The following EXOC4 variants were observed in gnomAD, a reference collection of about 807,000 sequenced individuals.
EXOC4 encodes the protein exocyst complex component 4, also known as SEC8-like 1.
A neutral mutation model predicts 107.2 loss-of-function variants in EXOC4; 71 were observed. That is an observed-to-expected ratio of 0.66 (90% confidence interval 0.55 to 0.81). The LOEUF (loss-of-function observed/expected upper bound fraction) is 0.81. Among genes scored for constraint, EXOC4 ranks in the 30% least tolerant of loss-of-function variants. The pLI is 0.00. For synonymous variants in EXOC4, 456 were observed against 441.2 expected (o/e 1.03, Z -0.42); for missense variants, 1,108 against 1,189.6 (o/e 0.93, Z 1.01).
At position 133,996,017 on chromosome 7, in the gene EXOC4, C is replaced by T. The variant is rs546181644; in HGVS notation, c.2207-1475C>T. On this transcript the variant is annotated intron_variant, in intron 14 of 17. Coordinates refer to ENST00000253861, the MANE Select transcript of EXOC4 (RefSeq NM_021807.4). ...ACTCTTTGAAAAAGAGAAGGATGTTCATACAGAAAAGCAAAACATATCAGA... is the reference window on the plus strand; with the variant it reads ...ACTCTTTGAAAAAGAGAAGGATGTTTATACAGAAAAGCAAAACATATCAGA... 2.6e-5 allele frequency among the ~76,000 whole-genome samples: 4 copies of T among 152,204 alleles called. No homozygotes were observed. The South Asian group carries it at 8.3e-4, about 32-fold the overall frequency.
chr7:133,753,976 A>G (rs1047751947), intron 10 of EXOC4, among the ~76,000 whole-genome samples: 1 of 152,208 alleles, frequency 6.6e-6, no homozygotes, highest in Non-Finnish European at 1.5e-5. Flanking sequence ...CTTTATATAT[A>G]CTAACTCATT....
the EXOC4 span, among the ~76,000 whole-genome samples, chr7:134,094,464 T>C: frequency 3.9e-5 from 6 of 152,198 alleles, no homozygotes; most frequent in East Asian, 1.2e-3. Context: ...GGTGGATTCA[T>C]AGGTGAATTC....
intron 11 of EXOC4, among the ~76,000 whole-genome samples, chr7:133,874,623 C>A (rs935699579): frequency 1.3e-5 from 2 of 152,214 alleles, no homozygotes; most frequent in South Asian, 4.1e-4. Context: ...GTAACTGAGG[C>A]TGAAACAATT....
At chr7:133,660,440 G>A (rs916243441) in intron 10 of EXOC4, among the ~76,000 whole-genome samples, 4 of 152,140 alleles carry the variant, frequency 2.6e-5, no homozygotes, top group African/African-American at 7.2e-5. Context: ...GAATGGTGGC[G>A]AAGGTGCCTA....
intron 10 of EXOC4, among the ~76,000 whole-genome samples, chr7:133,787,980 TATATA>T (rs1796621724): frequency 2.7e-5 from 2 of 75,410 alleles, no homozygotes; most frequent in Non-Finnish European, 5.3e-5. Flanking sequence ...TATATATATA[TATATA>T]TATATATATA....
chr7:133,475,311 T>C lies in EXOC4; in HGVS notation c.1183-17T>C. On this transcript the variant is annotated splice_polypyrimidine_tract_variant and intron_variant, in intron 7 of 17. Transcript: ENST00000253861. ...AAATGTGTATATTAACATTAACTGA[T>C]TTATCTGGTTGTACAGATGCTATTA... 2 of 1,586,672 alleles carry C rather than the reference T, an allele frequency of 1.3e-6. No individual in the cohort carries two copies. Among genetic ancestry groups the C allele is most frequent in the East Asian group, 4.5e-5 (2 of 44,642 alleles).
chr7:133,609,523 A>C (rs1450113992), intron 9 of EXOC4, among the ~76,000 whole-genome samples: 1 of 152,216 alleles, frequency 6.6e-6, no homozygotes, highest in Admixed American at 6.5e-5. Context: ...GTCAGCTGAG[A>C]AGAAACATTA....
intron 9 of EXOC4, among the ~76,000 whole-genome samples, chr7:133,560,145 C>G (rs2150950014): frequency 6.6e-6 from 1 of 152,150 alleles, no homozygotes; most frequent in Admixed American, 6.5e-5. Flanking sequence ...ATATTACTGG[C>G]TGGTATTTAT....
intron 7 of EXOC4, among the ~76,000 whole-genome samples, chr7:133,409,382 G>A (rs1797304839): frequency 6.6e-6 from 1 of 152,208 alleles, no homozygotes; most frequent in African/African-American, 2.4e-5. Context: ...TATAAGCACA[G>A]TGATTCCCAC....
intron 17 of EXOC4, among the ~76,000 whole-genome samples, chr7:134,061,436 T>C (rs1372899240): frequency 6.6e-6 from 1 of 152,216 alleles, no homozygotes; most frequent in Non-Finnish European, 1.5e-5. Flanking sequence ...GACTGAGTCG[T>C]GGCTGGTTCA....
intron 9 of EXOC4, among the ~76,000 whole-genome samples, chr7:133,590,275 C>A (rs1331334456): frequency 6.6e-6 from 1 of 151,968 alleles, no homozygotes; most frequent in East Asian, 1.9e-4. Context: ...TATTTTTTTT[C>A]TATTTTTTAA....
intron 9 of EXOC4, among the ~76,000 whole-genome samples, chr7:133,536,495 A>G (rs546994111): frequency 5.3e-5 from 8 of 151,700 alleles, no homozygotes; most frequent in African/African-American, 1.9e-4. Flanking sequence ...TTTTTATCAC[A>G]CTACTTTTTC....
intron 11 of EXOC4, among the ~76,000 whole-genome samples, chr7:133,885,859 C>CAAT (rs1429319352): frequency 6.6e-6 from 1 of 151,622 alleles, no homozygotes; most frequent in Non-Finnish European, 1.5e-5. Flanking sequence ...AGGAAAATAA[C>CAAT]AATAATAATA....
At chr7:133,885,227 T>C (rs929232908) in intron 11 of EXOC4, among the ~76,000 whole-genome samples, 113 of 150,856 alleles carry the variant, frequency 7.5e-4, no homozygotes, top group African/African-American at 2.8e-3. Flanking sequence ...GGCAGGAGAA[T>C]CACTTGAACC....
intron 2 of EXOC4, among the ~76,000 whole-genome samples, chr7:133,283,257 T>A (rs1313933318): frequency 6.6e-6 from 1 of 152,108 alleles, no homozygotes; most frequent in African/African-American, 2.4e-5. Flanking sequence ...TACTTTTTTG[T>A]GGAGATGGGT....
chr7:133,360,128 C>G (rs1412887532), intron 6 of EXOC4, among the ~76,000 whole-genome samples: 1 of 152,216 alleles, frequency 6.6e-6, no homozygotes, highest in African/African-American at 2.4e-5. Context: ...GGCCTGAAGC[C>G]TCTGCATTTC....
intron 2 of EXOC4, among the ~76,000 whole-genome samples, chr7:133,275,502 C>T (rs1203872255): frequency 6.6e-6 from 1 of 152,190 alleles, no homozygotes; most frequent in Non-Finnish European, 1.5e-5. Context: ...CTTGTATTCT[C>T]CATTCTCATT....
In EXOC4 at chr7:133,830,962, T is replaced by TTTTGTTTGTTTG. The variant is rs368634443; in HGVS notation, c.1734+13426_1734+13437dup. Reference sequence around the variant, plus strand: ...TTTCTTCTGATGACCTTGACAGTTTTTTTGTTTGTTTGTTTGTTTTGAGAC... The same window carrying TTTTGTTTGTTTG: ...TTTCTTCTGATGACCTTGACAGTTTTTTTGTTTGTTTGTTTGTTTGTTTGTTTGTTTTGAGAC... On this transcript the variant is annotated intron_variant, in intron 11 of 17. Coordinates refer to ENST00000253861, the MANE Select transcript of EXOC4 (RefSeq NM_021807.4). Among the ~76,000 whole-genome samples, 384 of 152,128 alleles carry TTTTGTTTGTTTG rather than the reference T, an allele frequency of 2.5e-3. 7 individuals are homozygous for TTTTGTTTGTTTG. Among genetic ancestry groups the TTTTGTTTGTTTG allele is most frequent in the African/African-American group, 8.7e-3 (360 of 41,444 alleles).
At position 133,630,063 on chromosome 7, in the gene EXOC4, T is replaced by C; in HGVS notation, c.1436T>C (p.Leu479Ser). The C allele has an allele frequency of 6.2e-7, 1 of 1,613,842 alleles. No homozygotes were observed. The highest frequency in any genetic ancestry group is 8.5e-7 in the Non-Finnish European group (1 of 1,179,778). ...CTGAAAGGGGGTCCTGATGACAACT[T>C]AATTGAAGGTGGAGGAACAAAATTT... ...GELQGGPDDN[L>S]IEGGGTKFVC... The change falls in exon 10 of 18, where the codon TTA becomes TCA. Residue 479 changes from leucine (L) to serine (S), a missense_variant. Leu to Ser is a moderately radical substitution (Grantham distance 145). Coordinates refer to ENST00000253861, the MANE Select transcript of EXOC4 (RefSeq NM_021807.4).
Sources: allele counts gnomAD v4.1 joint callset (sites outside exome capture counted in the v4.1 genomes callset), GRCh38; gene constraint gnomAD v4.1.1; transcripts MANE v1.5; gene names NCBI Gene and HGNC (gene_info 2026-07-23, HGNC 2026-07-21).